Variants in DNAH8 observed in about 807,000 individuals in gnomAD.
DNAH8 encodes dynein axonemal heavy chain 8.
DNAH8 carries 382 observed loss-of-function variants against 562.1 expected under a neutral mutation model. That is an observed-to-expected ratio of 0.68 (90% CI 0.63 to 0.74). The LOEUF (loss-of-function observed/expected upper bound fraction) is 0.74. DNAH8 is among the 30% of genes least tolerant of loss of function. The probability of loss-of-function intolerance (pLI) is 0.00; values close to 1 mark genes in which losing one functional copy is unlikely to be tolerated. For missense variants in DNAH8, 5,203 were observed against 5,620.4 expected (o/e 0.93, Z 2.37); for synonymous variants, 1,881 against 1,919.4 (o/e 0.98, Z 0.52).
At chr6:38,895,747 G>A (rs1779631720) in intron 59 of DNAH8, among the ~76,000 whole-genome samples, 1 of 150,104 alleles carries the variant, frequency 6.7e-6, no homozygotes, top group African/African-American at 2.5e-5. Context: ...AACCCAGAAA[G>A]AGGACGCTCG....
chr6:38,852,471 G>A (rs1407587932), intron 39 of DNAH8, among the ~76,000 whole-genome samples: 11 of 151,740 alleles, frequency 7.2e-5, no homozygotes, highest in Non-Finnish European at 1.5e-4. Flanking sequence ...CATAGCATGG[G>A]AGGGGCCATT....
chr6:38,962,589 A>G (rs1193360052), intron 82 of DNAH8, among the ~76,000 whole-genome samples: 4 of 152,214 alleles, frequency 2.6e-5, no homozygotes, highest in Non-Finnish European at 1.5e-5. Context: ...TAGTAAACAT[A>G]AAAGTTTTAC....
chr6:38,782,003 A>G (rs1768663786), intron 16 of DNAH8, among the ~76,000 whole-genome samples: 1 of 152,146 alleles, frequency 6.6e-6, no homozygotes, highest in Non-Finnish European at 1.5e-5. Context: ...CTTTGCTGAA[A>G]TATAGAACAA....
intron 42 of DNAH8, among the ~76,000 whole-genome samples, chr6:38,858,395 A>G (rs1035197343): frequency 6.6e-6 from 1 of 152,190 alleles, no homozygotes; most frequent in African/African-American, 2.4e-5. Flanking sequence ...GTCCTGTTTT[A>G]GAGAATGTGA....
rs140667905 is a variant in DNAH8, at chr6:38,939,064, A to G, written c.12007+76A>G. ...ATGCTCTTTGATATACCATAAACCCATTTCTGTGATACAGTAGGGAAATGA... is the reference window on the plus strand; with the variant it reads ...ATGCTCTTTGATATACCATAAACCCGTTTCTGTGATACAGTAGGGAAATGA... On this transcript the variant is annotated intron_variant, in intron 79 of 92. Coordinates refer to ENST00000327475, the MANE Select transcript of DNAH8 (RefSeq NM_001206927.2). The G allele has an allele frequency of 3.0e-4, 339 of 1,114,412 alleles. 1 individual carries two copies. In the African/African-American group the frequency reaches 4.7e-3, roughly 15 times the overall value. The allele number at this position is 1,114,412 out of a possible 1,614,324, so 69.0% of individuals were successfully genotyped here.
intron 85 of DNAH8, among the ~76,000 whole-genome samples, chr6:38,980,227 G>A (rs901498649): frequency 6.6e-6 from 1 of 152,128 alleles, no homozygotes; most frequent in Non-Finnish European, 1.5e-5. Context: ...AGGTGCAAAA[G>A]GGGAGACAAA....
chr6:38,903,885 C>T (rs1470403839), intron 62 of DNAH8, among the ~76,000 whole-genome samples: 1 of 152,104 alleles, frequency 6.6e-6, no homozygotes, highest in Non-Finnish European at 1.5e-5. Flanking sequence ...GCTGGGATTA[C>T]AAGCATGAGC....
In DNAH8 at chr6:38,926,163, C is replaced by G. The variant is rs374784188; in HGVS notation, c.11071C>G (p.Gln3691Glu). The change falls in exon 74 of 93, where the codon CAA becomes GAA. Residue 3691 changes from glutamine (Q) to glutamate (E), a missense_variant. Physicochemically the swap from Gln to Glu is conservative, Grantham distance 29. This residue lies in a region of DNAH8 where 1,399 missense variants were observed against 1,518.4 expected (regional missense o/e 0.92). Coordinates refer to ENST00000327475, the MANE Select transcript of DNAH8 (RefSeq NM_001206927.2). ...RYPLLIDPQT[Q>E]GKTWIKSKEK... ...CCCACTCCTCATAGACCCACAAACT[C>G]AAGGCAAAACTTGGATTAAATCAAA... 6.2e-7 allele frequency: 1 copy of G among 1,613,444 alleles called. No homozygotes were observed. The highest frequency in any genetic ancestry group is 1.3e-5 in the African/African-American group (1 of 74,796).
intron 61 of DNAH8, 131 bp from the exon 62 acceptor site, chr6:38,899,645 A>T: frequency 1.1e-6 from 1 of 938,350 alleles, no homozygotes; most frequent in Admixed American, 2.7e-5. Context: ...AAATTCTGTC[A>T]TAGACCATTA....
chr6:38,771,005 G>A (rs1767517044), intron 12 of DNAH8, among the ~76,000 whole-genome samples: 1 of 152,200 alleles, frequency 6.6e-6, no homozygotes, highest in African/African-American at 2.4e-5. Context: ...TTTCTGGACA[G>A]ACATAGGTTT....
At chr6:38,882,822 ATTGT>A (rs1457334133) in intron 53 of DNAH8, 84 bp from the exon 54 acceptor site, 2 of 842,958 alleles carry the variant, frequency 2.4e-6, no homozygotes, top group East Asian at 5.8e-5. Flanking sequence ...GATTCTATTG[ATTGT>A]TTATTGCACT....
intron 10 of DNAH8, among the ~76,000 whole-genome samples, chr6:38,756,924 T>G (rs1478697794): frequency 2.0e-5 from 3 of 152,152 alleles, no homozygotes; most frequent in Non-Finnish European, 2.9e-5. Context: ...CTATCATTGT[T>G]GGACATTTGG....
chr6:38,929,757 A>C, intron 75 of DNAH8, 91 bp downstream of exon 75: 3 of 1,188,236 alleles, frequency 2.5e-6, no homozygotes, highest in Non-Finnish European at 2.3e-6. Flanking sequence ...AAAGAAAAGA[A>C]CAATGGTGAC....
chr6:38,998,105 C>T (rs1465472994), intron 88 of DNAH8, among the ~76,000 whole-genome samples: 1 of 152,110 alleles, frequency 6.6e-6, no homozygotes, highest in Non-Finnish European at 1.5e-5. Flanking sequence ...GAACTCGATG[C>T]CCCCTGTTTA....
chr6:38,887,055 C>T, intron 57 of DNAH8, 51 bp downstream of exon 57: 2 of 1,334,412 alleles, frequency 1.5e-6, no homozygotes, highest in South Asian at 1.2e-5. Context: ...TGGACATAAA[C>T]CACACAAAAT....
At chr6:39,008,706 TTG>T in intron 88 of DNAH8, 106 bp from the exon 89 acceptor site, 2 of 603,474 alleles carry the variant, frequency 3.3e-6, no homozygotes, top group Non-Finnish European at 2.7e-6. Context: ...TTTTTTTTTT[TTG>T]TAGCTTGCTT....
intron 86 of DNAH8, among the ~76,000 whole-genome samples, chr6:38,982,890 G>T (rs995054061): frequency 1.3e-5 from 2 of 152,278 alleles, no homozygotes; most frequent in African/African-American, 2.4e-5. Flanking sequence ...TCTAGTAATG[G>T]TCATTCATCA....
At chr6:38,783,524 G>C (rs993616392) in intron 17 of DNAH8, among the ~76,000 whole-genome samples, 1 of 152,060 alleles carries the variant, frequency 6.6e-6, no homozygotes, top group Non-Finnish European at 1.5e-5. Context: ...CTCTCTCCCT[G>C]CTTCCCTTCC....
At chr6:38,924,250 C>T in intron 73 of DNAH8, 88 bp downstream of exon 73, 1 of 1,327,140 alleles carries the variant, frequency 7.5e-7, no homozygotes, top group South Asian at 1.3e-5. Flanking sequence ...TGGTGGCTCA[C>T]ATCTGTAATC....
Sources: allele counts gnomAD v4.1 joint callset (sites outside exome capture counted in the v4.1 genomes callset), GRCh38; gene constraint gnomAD v4.1.1; regional missense constraint gnomAD v4.1.1; transcripts MANE v1.5; gene names NCBI Gene and HGNC (gene_info 2026-07-23, HGNC 2026-07-21).